The following CADPS2 variants were observed in gnomAD, a reference collection of about 807,000 sequenced individuals.
CADPS2 encodes the protein calcium-dependent secretion activator 2.
CADPS2 carries 93 observed loss-of-function variants against 172.5 expected under a neutral mutation model. The ratio of observed to expected loss-of-function variants is 0.54; its 90% CI spans 0.46 to 0.64. The LOEUF (loss-of-function observed/expected upper bound fraction) is 0.64, where lower values mean the gene tolerates loss of function less well. Ranked by LOEUF, CADPS2 falls within the 30% of genes least tolerant of loss-of-function variation. The pLI is 0.00. For missense variants in CADPS2, 1,420 were observed against 1,565.9 expected (o/e 0.91, Z 1.57); for synonymous variants, 546 against 555.2 (o/e 0.98, Z 0.23).
intron 11 of CADPS2, among the ~76,000 whole-genome samples, chr7:122,483,933 A>T (rs949625392): frequency 7.9e-5 from 12 of 152,180 alleles, no homozygotes; most frequent in African/African-American, 2.7e-4. Context: ...GAAAACTACA[A>T]ACATCCCAAA....
chr7:122,654,557 G>A (rs1588155100), intron 3 of CADPS2, among the ~76,000 whole-genome samples: 1 of 152,194 alleles, frequency 6.6e-6, no homozygotes, highest in East Asian at 1.9e-4. Flanking sequence ...CTGGATGACA[G>A]CACATATGTT....
rs1281091547 is a variant in CADPS2 at position 122,333,067 on chromosome 7, G to T, written c.3613-7486C>A. On this transcript the variant is annotated intron_variant, in intron 28 of 29. Coordinates refer to ENST00000449022, the MANE Select transcript of CADPS2 (RefSeq NM_017954.11). ...CTTTTGAGTGAAGTCACCAGTTAAT[G>T]GTTTGGCTCATTGATAAATCCAGTT... 4.6e-5 allele frequency among the ~76,000 whole-genome samples: 7 copies of T among 152,214 alleles called. No individual in the cohort carries two copies. In the East Asian group the frequency reaches 1.4e-3, roughly 29 times the overall value.
chr7:122,568,639 G>A (rs1265893353), intron 7 of CADPS2, among the ~76,000 whole-genome samples: 1 of 152,034 alleles, frequency 6.6e-6, no homozygotes, highest in Non-Finnish European at 1.5e-5. Flanking sequence ...AGAACAACAT[G>A]TTCAAATAAA....
At chr7:122,371,811 T>A (rs765088499) in intron 25 of CADPS2, among the ~76,000 whole-genome samples, 1 of 152,068 alleles carries the variant, frequency 6.6e-6, no homozygotes, top group Non-Finnish European at 1.5e-5. Flanking sequence ...ACAGGGACAC[T>A]AGGATGACGA....
intron 1 of CADPS2, among the ~76,000 whole-genome samples, chr7:122,775,278 A>C (rs2093842448): frequency 6.6e-6 from 1 of 152,242 alleles, no homozygotes; most frequent in South Asian, 2.1e-4. Flanking sequence ...CCATAGCGTC[A>C]TAGACGCTGA....
At chr7:122,604,533 A>T (rs2073237397) in intron 6 of CADPS2, among the ~76,000 whole-genome samples, 1 of 152,212 alleles carries the variant, frequency 6.6e-6, no homozygotes, top group African/African-American at 2.4e-5. Context: ...ATTTCTTCTG[A>T]CTGTATGGGT....
chr7:122,541,723 TCA>T (rs958440986), intron 8 of CADPS2, among the ~76,000 whole-genome samples: 1 of 145,334 alleles, frequency 6.9e-6, no homozygotes, highest in Admixed American at 6.9e-5. Flanking sequence ...TTACATATAT[TCA>T]TATATATTTA....
intron 13 of CADPS2, among the ~76,000 whole-genome samples, chr7:122,473,844 T>C (rs2056288533): frequency 6.6e-6 from 1 of 152,200 alleles, no homozygotes; most frequent in Non-Finnish European, 1.5e-5. Flanking sequence ...CCTTTCCTTT[T>C]GTCAAGGAAT....
chr7:122,452,161 T>C (rs1458750520), intron 14 of CADPS2, among the ~76,000 whole-genome samples: 1 of 152,184 alleles, frequency 6.6e-6, no homozygotes, highest in African/African-American at 2.4e-5. Flanking sequence ...GGATTAAAAA[T>C]GTAAAATATA....
chr7:122,576,364 A>G lies in CADPS2; in HGVS notation c.1335+4815T>C, dbSNP rs556446843. On this transcript the variant is annotated intron_variant, in intron 7 of 29. Transcript: ENST00000449022. ...TATTGGCAGCATATGTTTCCCCCTT[A>G]GGTTACTGAGGTCTGTTTCTTTTCT... Among the ~76,000 whole-genome samples the G allele has an allele frequency of 3.3e-5, 5 of 152,208 alleles. No homozygotes were observed. The South Asian group carries it at 1.0e-3, about 32-fold the overall frequency.
intron 9 of CADPS2, among the ~76,000 whole-genome samples, chr7:122,509,283 C>T (rs751803151): frequency 1.3e-5 from 2 of 152,150 alleles, no homozygotes; most frequent in Non-Finnish European, 2.9e-5. Flanking sequence ...TCTCATACAT[C>T]TGCAGCAGGT....
At chr7:122,361,480 C>T (rs2040140100) in intron 25 of CADPS2, among the ~76,000 whole-genome samples, 1 of 151,982 alleles carries the variant, frequency 6.6e-6, no homozygotes, top group South Asian at 2.1e-4. Context: ...GATCCACCCG[C>T]CTTGGCCTCC....
intron 6 of CADPS2, among the ~76,000 whole-genome samples, chr7:122,592,988 G>GAATA (rs141800604): frequency 0.36 from 52,804 of 148,058 alleles, 10,386 homozygotes; most frequent in African/African-American, 0.52. Flanking sequence ...GAAGTAAAAT[G>GAATA]AATAAATAAA....
chr7:122,439,119 C>T (rs976050867), intron 16 of CADPS2, among the ~76,000 whole-genome samples: 1 of 152,032 alleles, frequency 6.6e-6, no homozygotes, highest in Non-Finnish European at 1.5e-5. Flanking sequence ...ACTGATTATT[C>T]TCTGTTGGGC....
chr7:122,501,177 T>A (rs2059167934), intron 9 of CADPS2, among the ~76,000 whole-genome samples: 1 of 151,914 alleles, frequency 6.6e-6, no homozygotes, highest in African/African-American at 2.4e-5. Context: ...ATCACTTAAG[T>A]CCAGGGATTC....
chr7:122,329,325 T>C (rs1029057497), intron 28 of CADPS2, among the ~76,000 whole-genome samples: 1 of 152,158 alleles, frequency 6.6e-6, no homozygotes, highest in South Asian at 2.1e-4. Flanking sequence ...CCATTGTCAA[T>C]AGAAATTGAC....
At chr7:122,461,210 T>C (rs538015310) in intron 14 of CADPS2, among the ~76,000 whole-genome samples, 3 of 152,266 alleles carry the variant, frequency 2.0e-5, no homozygotes, top group African/African-American at 7.2e-5. Context: ...ATAGAATACA[T>C]TTTAGAGACA....
chr7:122,876,281 C>G (rs1175263292), intron 1 of CADPS2, among the ~76,000 whole-genome samples: 1 of 152,208 alleles, frequency 6.6e-6, no homozygotes, highest in Non-Finnish European at 1.5e-5. Flanking sequence ...GATCGTGTCA[C>G]TGCACTGCAG....
intron 1 of CADPS2, among the ~76,000 whole-genome samples, chr7:122,792,771 A>T (rs1795554468): frequency 6.6e-6 from 1 of 152,216 alleles, no homozygotes; most frequent in Admixed American, 6.5e-5. Flanking sequence ...GAACAAAGAA[A>T]GGTACACTGC....
Sources: gnomAD v4.1 joint callset for allele counts (sites outside exome capture counted in the v4.1 genomes callset) on GRCh38, gnomAD v4.1.1 for gene constraint, MANE v1.5 for transcripts, NCBI Gene and HGNC (gene_info 2026-07-23, HGNC 2026-07-21) for gene names.